Variants in ANXA5 observed in about 807,000 individuals in gnomAD.
The protein encoded by ANXA5 is CBP-I.
In ANXA5, 40 loss-of-function variants were observed where a neutral mutation model predicts 48.1. The observed-to-expected ratio is 0.83, with a 90% CI of 0.65 to 1.08. ANXA5 has a LOEUF of 1.08. Among genes scored for constraint, ANXA5 ranks in the 50% least tolerant of loss-of-function variants. The pLI is 0.00. For synonymous variants in ANXA5, 113 were observed against 129.1 expected (o/e 0.88, Z 0.85); for missense variants, 357 against 376.8 (o/e 0.95, Z 0.44).
At position 121,686,250 on chromosome 4, in the gene ANXA5, A is replaced by G. The variant is rs140163345; in HGVS notation, c.94+38T>C. On this transcript the variant is annotated intron_variant, in intron 3 of 12. Transcript: ENST00000296511. The stretch of plus-strand genomic sequence containing the variant: ...ATTAATGACTTGTTTGGAAAAACAA[A>G]TATCACATTTGCTTTAGAAAGAGGA... The G allele has an allele frequency of 7.5e-3, 10,971 of 1,467,908 alleles. 56 individuals are homozygous for G. Among genetic ancestry groups the G allele is most frequent in the Non-Finnish European group, 9.0e-3 (9,442 of 1,052,334 alleles). 90.9% of individuals were successfully genotyped at this position (1,467,908 alleles called of 1,614,324 possible). A position where few individuals can be genotyped will look rare whatever the true frequency, so the allele number is the denominator to read the frequency against.
intron 3 of ANXA5, among the ~76,000 whole-genome samples, chr4:121,685,049 T>C (rs986314466): frequency 7.0e-6 from 1 of 143,480 alleles, no homozygotes; most frequent in Non-Finnish European, 1.5e-5. Context: ...TATATATATA[T>C]ATACACACAC....
At chr4:121,694,108 G>GC (rs1725034276) in intron 2 of ANXA5, among the ~76,000 whole-genome samples, 1 of 45,586 alleles carries the variant, frequency 2.2e-5, no homozygotes, top group African/African-American at 1.3e-4. Flanking sequence ...TGGGCGGGGG[G>GC]GAGGGGGGAG....
chr4:121,675,215 G>T (rs967782359), intron 8 of ANXA5, among the ~76,000 whole-genome samples: 1 of 152,192 alleles, frequency 6.6e-6, no homozygotes, highest in African/African-American at 2.4e-5. Flanking sequence ...ATGTTAAAAA[G>T]TGGATTATCT....
chr4:121,695,983 AT>A (rs1318937791), intron 2 of ANXA5, among the ~76,000 whole-genome samples: 1 of 152,026 alleles, frequency 6.6e-6, no homozygotes, highest in East Asian at 1.9e-4. Flanking sequence ...GGCAAATTCA[AT>A]TGAGAACTCG....
At chr4:121,672,061 A>G (rs1724622537) in intron 9 of ANXA5, among the ~76,000 whole-genome samples, 1 of 152,232 alleles carries the variant, frequency 6.6e-6, no homozygotes, top group South Asian at 2.1e-4. Flanking sequence ...AAGAAAAACC[A>G]GAAAGATCTC....
At chr4:121,684,472 G>A (rs1192167061) in intron 4 of ANXA5, among the ~76,000 whole-genome samples, 1 of 152,120 alleles carries the variant, frequency 6.6e-6, no homozygotes, top group Non-Finnish European at 1.5e-5. Context: ...CATTAGGCAA[G>A]GAAAAACAAT....
chr4:121,669,745 A>G (rs1256890356), intron 11 of ANXA5, 21 bp from the exon 12 acceptor site: 2 of 1,568,698 alleles, frequency 1.3e-6, no homozygotes, highest in Non-Finnish European at 1.7e-6. Context: ...AAAAAAAAAG[A>G]GAGAAGCAAA....
At chr4:121,681,795 A>T in intron 5 of ANXA5, 34 bp from the exon 6 acceptor site, 1 of 1,464,262 alleles carries the variant, frequency 6.8e-7, no homozygotes, top group African/African-American at 1.4e-5. Flanking sequence ...AAACATGTCA[A>T]TAAGATTAAA....
chr4:121,689,579 T>C (rs1724947680), intron 2 of ANXA5, among the ~76,000 whole-genome samples: 2 of 152,188 alleles, frequency 1.3e-5, no homozygotes, highest in South Asian at 4.1e-4. Flanking sequence ...CCAATCTTGG[T>C]ACTTTGGCTA....
In ANXA5 at chr4:121,684,704, A is replaced by T. The variant is rs1724849803; in HGVS notation, c.162T>A (p.Ser54=). The change falls in exon 4 of 13, where the codon TCT becomes TCA. Residue 54 remains serine (S), a synonymous_variant. Transcript: ENST00000296511. ...SRSNAQRQEI[S]AAFKTLFGRD... is the part of the protein sequence containing the mutation. ...TGCCAAACAGAGTCTTAAAAGCTGC[A>T]GAGATTTCCTGGCGCTGAGCATTAC... 1 of 1,614,014 alleles carries T rather than the reference A, an allele frequency of 6.2e-7. No individual in the cohort carries two copies. The highest frequency in any genetic ancestry group is 8.5e-7 in the Non-Finnish European group (1 of 1,179,894).
chr4:121,669,152 G>T (rs1358126145), intron 12 of ANXA5, among the ~76,000 whole-genome samples: 1 of 151,978 alleles, frequency 6.6e-6, no homozygotes, highest in Non-Finnish European at 1.5e-5. Context: ...TAATACCTAG[G>T]GGCTCTTTAC....
chr4:121,693,447 G>T (rs996512082), intron 2 of ANXA5, among the ~76,000 whole-genome samples: 5 of 151,972 alleles, frequency 3.3e-5, no homozygotes, highest in African/African-American at 9.7e-5. Context: ...TAGTATGAAG[G>T]TTATATGAAT....
chr4:121,683,501 TG>T (rs1373120966), intron 4 of ANXA5, 24 bp from the exon 5 acceptor site: 11 of 1,339,204 alleles, frequency 8.2e-6, no homozygotes, highest in Non-Finnish European at 1.2e-5. Context: ...AATACAAATT[TG>T]TTAACCAGCA....
chr4:121,689,832 A>T (rs888944467), intron 2 of ANXA5, among the ~76,000 whole-genome samples: 3 of 152,332 alleles, frequency 2.0e-5, no homozygotes, highest in African/African-American at 7.2e-5. Flanking sequence ...CTAACAACAC[A>T]AAGAAGGAAA....
At chr4:121,668,678 A>T (rs952947857) in intron 12 of ANXA5, 151 bp from the exon 13 acceptor site, 4 of 663,124 alleles carry the variant, frequency 6.0e-6, no homozygotes, top group Admixed American at 4.8e-5. Context: ...TTATGCAGGG[A>T]GTTTCCTACC....
rs774398207 is a variant in ANXA5, at chr4:121,686,308, C to G, written c.74G>C (p.Arg25Pro). Residue 25 changes from arginine to proline, a missense_variant, in exon 3 of 13, where the codon CGG becomes CCG. Coordinates refer to ENST00000296511, the MANE Select transcript of ANXA5 (RefSeq NM_001154.4). ...TTTACCCAAGCCTTTCATAGCCTTC[C>G]GAAGAGTTTCTGCATCAGCCCGCTC... Reference protein sequence around the residue: ...FDERADAETLRKAMKGLGTDE... With the variant: ...FDERADAETLPKAMKGLGTDE... 1.9e-6 allele frequency: 3 copies of G among 1,613,958 alleles called. No individual in the cohort carries two copies. The highest frequency in any genetic ancestry group is 1.1e-5 in the South Asian group (1 of 91,058).
chr4:121,692,366 A>G (rs1346138388), intron 2 of ANXA5, among the ~76,000 whole-genome samples: 1 of 152,228 alleles, frequency 6.6e-6, no homozygotes. Flanking sequence ...TCCCTTGACA[A>G]ACACCAATAA....
At chr4:121,671,103 C>T (rs1203431291) in intron 10 of ANXA5, among the ~76,000 whole-genome samples, 1 of 152,132 alleles carries the variant, frequency 6.6e-6, no homozygotes, top group Non-Finnish European at 1.5e-5. Context: ...TGAAAACAAC[C>T]ATCATCACAT....
At chr4:121,694,276 TAAAAAATAAAC>T (rs1725040667) in intron 2 of ANXA5, among the ~76,000 whole-genome samples, 1 of 101,984 alleles carries the variant, frequency 9.8e-6, no homozygotes. Flanking sequence ...AAAAAATAAA[TAAAAAATAAAC>T]AAAAAAATTC....
Sources: gnomAD v4.1 joint callset for allele counts (sites outside exome capture counted in the v4.1 genomes callset) on GRCh38, gnomAD v4.1.1 for gene constraint, MANE v1.5 for transcripts, NCBI Gene and HGNC (gene_info 2026-07-23, HGNC 2026-07-21) for gene names.